The following CCDC33 variants were observed in gnomAD, a reference collection of about 807,000 sequenced individuals.
CCDC33 encodes coiled-coil domain containing 33.
CCDC33 carries 94 observed loss-of-function variants against 91.9 expected under a neutral mutation model. The observed-to-expected ratio is 1.02, with a 90% CI of 0.87 to 1.21. CCDC33 has a LOEUF of 1.21. Among genes scored for constraint, CCDC33 ranks in the 50% most tolerant of loss-of-function variants. The pLI, the probability that CCDC33 is intolerant of heterozygous loss-of-function variation, is 0.00. For missense variants in CCDC33, 940 were observed against 935.5 expected, an observed-to-expected ratio of 1.00 and a Z score of -0.06; for synonymous variants, 396 against 374.5, an observed-to-expected ratio of 1.06 and a Z score of -0.66.
chr15:74,218,478 CCTG>C lies in CCDC33; in HGVS notation c.311-18_311-16del. 1 of 1,265,790 alleles carries C rather than the reference CCTG, an allele frequency of 7.9e-7. No individual in the cohort carries two copies. The highest frequency in any genetic ancestry group is 2.4e-5 in the Admixed American group (1 of 42,446). The allele number at this position is 1,265,790 out of a possible 1,614,324, so 78.4% of individuals were successfully genotyped here. On this transcript the variant is annotated splice_polypyrimidine_tract_variant and intron_variant, in intron 1 of 2. Coordinates refer to the CCDC33 transcript ENST00000635913. This position sits in a 1 kb window ranked among gnomAD's most constrained non-coding sequence, Gnocchi z 4.8. Reference sequence around the variant, plus strand: ...GAGAAACCTGAGACCATCTCTGAGCCCTGTGTTCCCTCATCCAGGTTTCTGCAA... The same window carrying C: ...GAGAAACCTGAGACCATCTCTGAGCCTGTTCCCTCATCCAGGTTTCTGCAA...
intron 11 of CCDC33, 82 bp downstream of exon 11, chr15:74,296,030 G>GC: frequency 8.0e-7 from 1 of 1,257,848 alleles, no homozygotes; most frequent in East Asian, 2.6e-5. Flanking sequence ...CTGCAGGACT[G>GC]CTTCATGCCT....
intron 11 of CCDC33, among the ~76,000 whole-genome samples, chr15:74,297,351 C>T (rs2059708690): frequency 6.6e-6 from 1 of 152,202 alleles, no homozygotes; most frequent in African/African-American, 2.4e-5. Flanking sequence ...GCCCTCTCCA[C>T]ATCCTGGCCT....
intron 10 of CCDC33, among the ~76,000 whole-genome samples, chr15:74,290,598 G>T (rs1167279866): frequency 2.6e-5 from 4 of 152,202 alleles, no homozygotes; most frequent in Non-Finnish European, 5.9e-5. Context: ...GTTCCAAATA[G>T]TGGGTTGGAA....
intron 11 of CCDC33, among the ~76,000 whole-genome samples, chr15:74,311,065 G>A (rs748309945): frequency 4.6e-5 from 7 of 152,142 alleles, no homozygotes; most frequent in East Asian, 1.9e-4. Context: ...CAGGGCGCAC[G>A]GGGCCTGTAG....
intron 2 of CCDC33, among the ~76,000 whole-genome samples, chr15:74,253,144 C>T (rs1336571036): frequency 6.6e-6 from 1 of 152,184 alleles, no homozygotes; most frequent in Non-Finnish European, 1.5e-5. Flanking sequence ...AGATTTGGGG[C>T]CATGAGGCAG....
intron 2 of CCDC33, among the ~76,000 whole-genome samples, chr15:74,229,923 T>C (rs1449263417): frequency 6.6e-6 from 1 of 152,230 alleles, no homozygotes; most frequent in Admixed American, 6.5e-5. Context: ...CCATGGGCTG[T>C]GGATCTGATG....
intron 2 of CCDC33, chr15:74,221,385 C>A: frequency 1.1e-6 from 1 of 872,858 alleles, no homozygotes; most frequent in Non-Finnish European, 1.4e-6. Context: ...CAGAGCTCAG[C>A]AAACTTCCAC....
At chr15:74,300,582 G>C (rs948860849) in intron 11 of CCDC33, 1 of 152,306 alleles carries the variant, frequency 6.6e-6, no homozygotes, top group South Asian at 2.1e-4. Flanking sequence ...GATTTCAGGA[G>C]TGTGTTTGTC....
chr15:74,268,376 C>G lies in CCDC33; in HGVS notation c.464C>G (p.Ala155Gly), dbSNP rs750131080. The G allele has an allele frequency of 3.7e-6, 6 of 1,613,556 alleles. No individual in the cohort carries two copies. The highest frequency in any genetic ancestry group is 5.1e-6 in the Non-Finnish European group (6 of 1,179,734). ...TCTGGGAAAGCCGATGAAGCCACTG[C>G]CAAGACCCAGTTGTACGCAACAGTC... Reference protein sequence around the residue: ...TESGKADEATAKTQLYATVVR... With the variant: ...TESGKADEATGKTQLYATVVR... Residue 155 changes from alanine to glycine, a missense_variant, in exon 5 of 19, where the codon GCC (alanine) becomes GGC (glycine). Physicochemically the swap from Ala to Gly is moderately conservative, Grantham distance 60. Transcript: ENST00000398814.
intron 7 of CCDC33, among the ~76,000 whole-genome samples, chr15:74,277,889 A>G (rs2076490818): frequency 6.6e-6 from 1 of 152,194 alleles, no homozygotes; most frequent in Non-Finnish European, 1.5e-5. Flanking sequence ...ACCCTCTTCC[A>G]GGGTAGGAGC....
Position 74,332,744 on chromosome 15 carries a change from C to A in CCDC33, c.1837C>A (p.Leu613Ile). Residue 613 changes from leucine to isoleucine, a missense_variant, in exon 16 of 19, where the codon CTT (leucine) becomes ATT (isoleucine). By Grantham distance (5) the Leu-to-Ile change is conservative (BLOSUM62 2). Coordinates refer to ENST00000398814, the MANE Select transcript of CCDC33 (RefSeq NM_025055.5). ...TATGGGAGAGAACCTGCCGGTTGAA[C>A]TTTACTCGGTGCTGCTGGCAGAAAA... ...GSMGENLPVE[L>I]YSVLLAENAK... The A allele has an allele frequency of 6.2e-7, 1 of 1,614,226 alleles. No individual in the cohort carries two copies. The highest frequency in any genetic ancestry group is 8.5e-7 in the Non-Finnish European group (1 of 1,180,024).
At chr15:74,325,771 AC>A (rs1173524064) in intron 11 of CCDC33, among the ~76,000 whole-genome samples, 1 of 152,116 alleles carries the variant, frequency 6.6e-6, no homozygotes, top group Non-Finnish European at 1.5e-5. Flanking sequence ...TGCCAGAAGC[AC>A]TTCTTATTTT....
At chr15:74,292,958 G>A (rs1213512713) in intron 10 of CCDC33, among the ~76,000 whole-genome samples, 1 of 152,098 alleles carries the variant, frequency 6.6e-6, no homozygotes, top group Non-Finnish European at 1.5e-5. Context: ...TTAGCTTTGT[G>A]ATGAAATTAA....
intron 11 of CCDC33, 120 bp downstream of exon 11, chr15:74,296,068 T>A: frequency 1.2e-6 from 1 of 805,956 alleles, no homozygotes; most frequent in Non-Finnish European, 1.9e-6. Flanking sequence ...TCCCTCCCCT[T>A]AGGCACACTC....
intron 1 of CCDC33, among the ~76,000 whole-genome samples, chr15:74,242,089 G>A (rs141043310): frequency 1.5e-3 from 233 of 152,288 alleles, no homozygotes; most frequent in African/African-American, 5.4e-3. Context: ...AAAACTCCTC[G>A]GGGCAGAGCA....
intron 2 of CCDC33, among the ~76,000 whole-genome samples, chr15:74,229,534 A>G (rs756516343): frequency 3.9e-5 from 6 of 152,268 alleles, no homozygotes; most frequent in African/African-American, 2.4e-5. Flanking sequence ...GGACAATAGT[A>G]GCACCTACCT....
intron 2 of CCDC33, among the ~76,000 whole-genome samples, chr15:74,223,132 C>T (rs1467255433): frequency 6.6e-6 from 1 of 152,056 alleles, no homozygotes; most frequent in Non-Finnish European, 1.5e-5. Context: ...GGCACCTCTT[C>T]GTTCATGCCC....
At chr15:74,252,737 G>T (rs993261699) in intron 2 of CCDC33, among the ~76,000 whole-genome samples, 14 of 152,142 alleles carry the variant, frequency 9.2e-5, no homozygotes, top group African/African-American at 3.4e-4. Flanking sequence ...AGACAAGGGT[G>T]GGGAGCAGGC....
At chr15:74,313,415 C>CTTTTTTTTTTTT (rs35519774) in intron 11 of CCDC33, among the ~76,000 whole-genome samples, 5 of 94,182 alleles carry the variant, frequency 5.3e-5, no homozygotes, top group South Asian at 4.3e-4. Context: ...TTCTTTCTTT[C>CTTTTTTTTTTTT]TTTTTTTTTT....
Sources: allele counts gnomAD v4.1 joint callset (sites outside exome capture counted in the v4.1 genomes callset), GRCh38; gene constraint gnomAD v4.1.1; non-coding constraint Gnocchi (gnomAD v3.1); transcripts MANE v1.5; gene names NCBI Gene and HGNC (gene_info 2026-07-23, HGNC 2026-07-21).